SPHKAP: variants seen among roughly 807,000 people sequenced by gnomAD.
The protein encoded by SPHKAP is SPHK1 interactor, AKAP domain containing, also known as A-kinase anchor protein SPHKAP.
Under a neutral mutation model 137.5 loss-of-function variants are expected in SPHKAP, and 67 were observed. That is an observed-to-expected ratio of 0.49 (90% CI 0.40 to 0.60). The LOEUF is 0.60. Ranked by LOEUF, SPHKAP falls within the 20% of genes least tolerant of loss-of-function variation. The pLI is 0.00. For missense variants in SPHKAP, 2,097 were observed against 2,069.3 expected (o/e 1.01, Z -0.26); for synonymous variants, 813 against 785.3 (o/e 1.04, Z -0.59).
chr2:228,084,810 G>T (rs748136985), intron 3 of SPHKAP, among the ~76,000 whole-genome samples: 51 of 152,136 alleles, frequency 3.4e-4, no homozygotes, highest in Admixed American at 5.9e-4. Context: ...GGGCTGGATT[G>T]AACAGAGAAA....
intron 1 of SPHKAP, among the ~76,000 whole-genome samples, chr2:228,138,488 G>A (rs1189563964): frequency 6.6e-6 from 1 of 151,832 alleles, no homozygotes; most frequent in African/African-American, 2.4e-5. Flanking sequence ...TTCTTTCCTA[G>A]GTTGGACATG....
In SPHKAP at chr2:228,024,634, CTT is replaced by C. The variant is rs534023790; in HGVS notation, c.441+758_441+759del. ...TGAAGAGTTGAAGGATAAAAGAAGA[CTT>C]TAAAAATTGACAGTGAAATTAAAAC... On this transcript the variant is annotated intron_variant, in intron 5 of 11. Transcript: ENST00000392056. Among the ~76,000 whole-genome samples, 179 of 152,086 alleles carry C rather than the reference CTT, an allele frequency of 1.2e-3. 2 individuals carry two copies. The highest frequency in any genetic ancestry group is 3.4e-3 in the Middle Eastern group (1 of 294).
At chr2:228,004,344 T>C (rs1028305307) in intron 7 of SPHKAP, among the ~76,000 whole-genome samples, 1 of 152,250 alleles carries the variant, frequency 6.6e-6, no homozygotes, top group South Asian at 2.1e-4. Flanking sequence ...CTAGTTTATT[T>C]GCGTAGAGGT....
chr2:228,176,530 A>G (rs1700746210), intron 1 of SPHKAP, among the ~76,000 whole-genome samples: 1 of 152,232 alleles, frequency 6.6e-6, no homozygotes, highest in Admixed American at 6.5e-5. Context: ...TAACTTGCCC[A>G]GACAGTCTCA....
intron 1 of SPHKAP, among the ~76,000 whole-genome samples, chr2:228,158,382 A>C (rs558856230): frequency 7.6e-5 from 11 of 143,984 alleles, no homozygotes; most frequent in Non-Finnish European, 1.6e-4. Context: ...CAATAGTGCC[A>C]AGAGAGCAAT....
intron 3 of SPHKAP, among the ~76,000 whole-genome samples, chr2:228,034,352 G>A (rs553086423): frequency 3.7e-4 from 57 of 152,294 alleles, no homozygotes; most frequent in Middle Eastern, 3.4e-3. Context: ...TCTCTGAGTA[G>A]AGCAATAACA....
chr2:228,150,139 A>G (rs1699887693), intron 1 of SPHKAP, among the ~76,000 whole-genome samples: 1 of 152,164 alleles, frequency 6.6e-6, no homozygotes, highest in Non-Finnish European at 1.5e-5. Context: ...TGATTTTCTA[A>G]TGTTAAACCA....
rs766823049 is a variant in SPHKAP, at chr2:228,018,064, C to T, written c.2790G>A (p.Ala930=). The part of the protein sequence containing the change: ...HPDIYCITDF[A]EELADTVVSM... ...AGACGACCGTGTCTGCTAATTCTTCCGCAAAGTCTGTAATGCAGTAGATGT... is the reference window on the plus strand; with the variant it reads ...AGACGACCGTGTCTGCTAATTCTTCTGCAAAGTCTGTAATGCAGTAGATGT... The change falls in exon 7 of 12, where the codon GCG becomes GCA. Residue 930 remains alanine (A), a synonymous_variant. Coordinates refer to ENST00000392056, the MANE Select transcript of SPHKAP (RefSeq NM_001142644.2). 36 of 1,613,994 alleles carry T rather than the reference C, an allele frequency of 2.2e-5. No individual in the cohort carries two copies. Among genetic ancestry groups the T allele is most frequent in the Non-Finnish European group, 2.7e-5 (32 of 1,180,030 alleles).
intron 3 of SPHKAP, among the ~76,000 whole-genome samples, chr2:228,098,172 C>T (rs1318245058): frequency 6.6e-6 from 1 of 151,972 alleles, no homozygotes; most frequent in Non-Finnish European, 1.5e-5. Context: ...AACAAATGGC[C>T]ATTCTGACTA....
At chr2:228,057,169 A>G (rs1178672244) in intron 3 of SPHKAP, among the ~76,000 whole-genome samples, 2 of 152,212 alleles carry the variant, frequency 1.3e-5, no homozygotes, top group Non-Finnish European at 2.9e-5. Context: ...AATACCTTAA[A>G]AGAGCATAGC....
intron 2 of SPHKAP, among the ~76,000 whole-genome samples, chr2:228,112,506 GA>G (rs1698551371): frequency 6.6e-6 from 1 of 152,184 alleles, no homozygotes; most frequent in Non-Finnish European, 1.5e-5. Flanking sequence ...GAAGGTGACA[GA>G]GTTCGAAACG....
At chr2:228,034,069 C>A (rs1032476268) in intron 3 of SPHKAP, among the ~76,000 whole-genome samples, 18 of 151,980 alleles carry the variant, frequency 1.2e-4, no homozygotes, top group African/African-American at 4.1e-4. Flanking sequence ...AAAAATCCTT[C>A]AAAAAATTAA....
At chr2:228,023,017 A>AT (rs1694898725) in intron 5 of SPHKAP, among the ~76,000 whole-genome samples, 1 of 152,226 alleles carries the variant, frequency 6.6e-6, no homozygotes, top group African/African-American at 2.4e-5. Context: ...AAAAACAGTG[A>AT]TAAAGAGGCC....
intron 1 of SPHKAP, among the ~76,000 whole-genome samples, chr2:228,174,420 TACTGGCATTAGAAA>T (rs1700679040): frequency 6.6e-6 from 1 of 152,158 alleles, no homozygotes; most frequent in Admixed American, 6.6e-5. Context: ...AGTGGAAATG[TACTGGCATTAGAAA>T]ACTGAGAGGA....
At chr2:228,157,261 C>A (rs1354655528) in intron 1 of SPHKAP, among the ~76,000 whole-genome samples, 1 of 152,106 alleles carries the variant, frequency 6.6e-6, no homozygotes, top group Non-Finnish European at 1.5e-5. Flanking sequence ...GAGTAGTCAA[C>A]TAATTTTGCC....
intron 3 of SPHKAP, chr2:228,028,141 A>C: frequency 1.3e-6 from 1 of 791,480 alleles, no homozygotes; most frequent in South Asian, 5.8e-5. Context: ...GTTACAACAA[A>C]ATCTTCAAGT....
At chr2:228,125,644 T>C (rs4450589) in intron 2 of SPHKAP, among the ~76,000 whole-genome samples, 52,009 of 152,084 alleles carry the variant, frequency 0.34, 9,179 homozygotes, top group East Asian at 0.5. Context: ...AGTTTTTTTA[T>C]TTATTATAAA....
intron 3 of SPHKAP, among the ~76,000 whole-genome samples, chr2:228,092,404 T>C (rs1320068380): frequency 1.4e-5 from 1 of 72,666 alleles, no homozygotes; most frequent in East Asian, 4.0e-4. Flanking sequence ...TATACACATA[T>C]ACACATATAT....
chr2:228,039,241 A>G (rs1178046802), intron 3 of SPHKAP, among the ~76,000 whole-genome samples: 4 of 152,204 alleles, frequency 2.6e-5, no homozygotes, highest in Admixed American at 1.3e-4. Flanking sequence ...TGCTTCCTGA[A>G]CAGAGCTAAT....
Sources: gnomAD v4.1 joint callset for allele counts (sites outside exome capture counted in the v4.1 genomes callset) on GRCh38, gnomAD v4.1.1 for gene constraint, MANE v1.5 for transcripts, NCBI Gene and HGNC (gene_info 2026-07-23, HGNC 2026-07-21) for gene names.